The following OR6P1 variants were observed in gnomAD, a reference collection of about 807,000 sequenced individuals.
OR6P1 encodes olfactory receptor family 6 subfamily P member 1.
A neutral mutation model predicts 6.6 loss-of-function variants in OR6P1; 5 were observed. The observed-to-expected ratio is 0.76, with a 90% confidence interval of 0.40 to 1.60. OR6P1 has a LOEUF of 1.60. Among genes scored for constraint, OR6P1 ranks in the 40% most tolerant of loss-of-function variants. The pLI is 0.02. For synonymous variants in OR6P1, 177 were observed against 149.6 expected (o/e 1.18, Z -1.33); for missense variants, 451 against 383.0 (o/e 1.18, Z -1.48).
chr1:158,567,285 C>T (rs1648121746), intron 1 of OR6P1, among the ~76,000 whole-genome samples: 1 of 151,992 alleles, frequency 6.6e-6, no homozygotes, highest in South Asian at 2.1e-4. Flanking sequence ...CCAGCCATCC[C>T]ATTACTGGGT....
At chr1:158,564,110 A>T (rs545442921) in intron 2 of OR6P1, among the ~76,000 whole-genome samples, 2 of 152,262 alleles carry the variant, frequency 1.3e-5, no homozygotes, top group Non-Finnish European at 2.9e-5. Context: ...GCAACACGGC[A>T]GTATGAAGAT....
intron 1 of OR6P1, among the ~76,000 whole-genome samples, chr1:158,568,956 T>A (rs1031772370): frequency 2.0e-5 from 3 of 152,176 alleles, no homozygotes; most frequent in Non-Finnish European, 4.4e-5. Context: ...CCATAATACA[T>A]AACCAACGTA....
chr1:158,562,664 T>G lies in OR6P1; in HGVS notation c.941A>C (p.Asp314Ala). Reference sequence around the variant, plus strand: ...ACCTGTTGTATATCAGTCCTGAACATCCCTAGGATAGTGACATCTGCCCAT... The same window carrying G: ...ACCTGTTGTATATCAGTCCTGAACAGCCCTAGGATAGTGACATCTGCCCAT... ...TVMGRCHYPR[D>A]VQD Residue 314 changes from aspartate to alanine, a missense_variant, in exon 3 of 3, where the codon GAT becomes GCT. Physicochemically the swap from Asp to Ala is moderately radical, Grantham distance 126. Transcript: ENST00000641540. 1 of 1,550,056 alleles carries G rather than the reference T, an allele frequency of 6.5e-7. No homozygotes were observed. Among genetic ancestry groups the G allele is most frequent in the Non-Finnish European group, 8.7e-7 (1 of 1,144,696 alleles).
chr1:158,567,735 T>A (rs1447281526), intron 1 of OR6P1, among the ~76,000 whole-genome samples: 1 of 150,846 alleles, frequency 6.6e-6, no homozygotes, highest in Non-Finnish European at 1.5e-5. Context: ...ATGGCACATG[T>A]ATACATATGT....
chr1:158,566,210 G>C (rs111467234), intron 2 of OR6P1, among the ~76,000 whole-genome samples: 183 of 152,308 alleles, frequency 1.2e-3, no homozygotes, highest in Middle Eastern at 3.4e-3. Flanking sequence ...TAGAGGAGTT[G>C]AAGATGAGAG....
chr1:158,567,756 C>T (rs1426876906), intron 1 of OR6P1, among the ~76,000 whole-genome samples: 1 of 149,560 alleles, frequency 6.7e-6, no homozygotes, highest in Non-Finnish European at 1.5e-5. Context: ...AACTAACCTG[C>T]ACAATGTGCA....
At position 158,562,387 on chromosome 1, in the gene OR6P1, A is replaced by G. The variant is rs976508172; in HGVS notation, c.*264T>C. 42 of 444,178 alleles carry G rather than the reference A, an allele frequency of 9.5e-5. No individual in the cohort carries two copies. The highest frequency in any genetic ancestry group is 8.2e-4 in the African/African-American group (41 of 50,140). 27.5% of individuals were successfully genotyped at this position (444,178 alleles called of 1,614,324 possible). A position where few individuals can be genotyped will look rare whatever the true frequency, so the allele number is the denominator to read the frequency against. On this transcript the variant is annotated 3_prime_UTR_variant, in exon 3 of 3. Coordinates refer to ENST00000641540, the MANE Select transcript of OR6P1 (RefSeq NM_001160325.2). ...GGGTTACATTCCACACATACTCAGT[A>G]AGACTCTCCACATATTTTTTTGGGG...
rs1403046441 is a variant in OR6P1, at chr1:158,563,138, G to T, written c.467C>A (p.Ser156Tyr). Residue 156 changes from serine to tyrosine, a missense_variant, in exon 3 of 3, where the codon TCC (serine) becomes TAC (tyrosine). By Grantham distance (144) the Ser-to-Tyr change is moderately radical. Coordinates refer to ENST00000641540, the MANE Select transcript of OR6P1 (RefSeq NM_001160325.2). ...AASWGSGFFS[S>Y]MMKLLFISQL... Reference sequence around the variant, plus strand: ...GGAAATAAAAAGAAGCTTCATCATGGAGCTGAAGAAGCCACTGCCCCAAGA... The same window carrying T: ...GGAAATAAAAAGAAGCTTCATCATGTAGCTGAAGAAGCCACTGCCCCAAGA... The T allele has an allele frequency of 4.5e-6, 7 of 1,551,416 alleles. No individual in the cohort carries two copies. The highest frequency in any genetic ancestry group is 3.6e-5 in the South Asian group (3 of 84,044).
chr1:158,568,120 C>T (rs1648142793), intron 1 of OR6P1, among the ~76,000 whole-genome samples: 1 of 152,122 alleles, frequency 6.6e-6, no homozygotes, highest in East Asian at 1.9e-4. Flanking sequence ...AACTTCAGCC[C>T]CTATTGTCCA....
Position 158,561,188 on chromosome 1 carries a change from T to A in OR6P1, c.*1463A>T, listed in dbSNP as rs1236812009. On this transcript the variant is annotated 3_prime_UTR_variant, in exon 3 of 3. Coordinates refer to ENST00000641540, the MANE Select transcript of OR6P1 (RefSeq NM_001160325.2). ...TAACTTGTTATTAGTAAAGCCAGGA[T>A]CAAATTGAAATTTGCTCGTTCTAGG... is the stretch of plus-strand genomic sequence containing the variant. 6.6e-6 allele frequency: 1 copy of A among 152,148 alleles called. No individual in the cohort carries two copies. The highest frequency in any genetic ancestry group is 1.5e-5 in the Non-Finnish European group (1 of 68,018). 9.4% of individuals were successfully genotyped at this position (152,148 alleles called of 1,614,324 possible). A position where few individuals can be genotyped will look rare whatever the true frequency, so the allele number is the denominator to read the frequency against.
chr1:158,562,731 G>C lies in OR6P1; in HGVS notation c.874C>G (p.Leu292Val). Residue 292 changes from leucine (L) to valine (V), a missense_variant, in exon 3 of 3, where the codon CTG becomes GTG. Coordinates refer to ENST00000641540, the MANE Select transcript of OR6P1 (RefSeq NM_001160325.2). ...GCCTCCTTCACCTCCTTGTTCCTCA[G>C]GCAGTAGATGGCTGGGTTGAAGAAT... The part of the protein sequence containing the change: ...VPFFNPAIYC[L>V]RNKEVKEAFR... 6.4e-7 allele frequency: 1 copy of C among 1,560,988 alleles called. No individual in the cohort carries two copies. The highest frequency in any genetic ancestry group is 1.7e-4 in the Middle Eastern group (1 of 6,008).
chr1:158,562,986 T>A lies in OR6P1; in HGVS notation c.619A>T (p.Ile207Phe). The stretch of plus-strand genomic sequence containing the variant: ...ACCACAGCCAATAGAGGGAGTAGAA[T>A]CATCACCAGGGCCAGAAGGAAGTCT... ...LVDFLLALVM[I>F]LLPLLAVVSS... is the part of the protein sequence containing the mutation. Residue 207 changes from isoleucine (I) to phenylalanine (F), a missense_variant, in exon 3 of 3, where the codon ATT becomes TTT. Physicochemically the swap from Ile to Phe is conservative, Grantham distance 21. Coordinates refer to ENST00000641540, the MANE Select transcript of OR6P1 (RefSeq NM_001160325.2). 1 of 1,551,572 alleles carries A rather than the reference T, an allele frequency of 6.4e-7. No homozygotes were observed. The highest frequency in any genetic ancestry group is 2.4e-5 in the East Asian group (1 of 40,914).
rs145280941 is a variant in OR6P1, at chr1:158,563,699, T to A, written c.-22-73A>T. 724 of 748,562 alleles carry A rather than the reference T, an allele frequency of 9.7e-4. 4 individuals carry two copies. The African/African-American group carries it at 0.011, about 11-fold the overall frequency. 46.4% of individuals were successfully genotyped at this position (748,562 alleles called of 1,614,324 possible). On this transcript the variant is annotated intron_variant, in intron 2 of 2. Coordinates refer to ENST00000641540, the MANE Select transcript of OR6P1 (RefSeq NM_001160325.2). Reference sequence around the variant, plus strand: ...CAAACCACCAACATACTCTCACAGGTTATAACCACTGAAGAGCTTAGTGGC... The same window carrying A: ...CAAACCACCAACATACTCTCACAGGATATAACCACTGAAGAGCTTAGTGGC...
In OR6P1 at chr1:158,562,824, G is replaced by C; in HGVS notation, c.781C>G (p.Arg261Gly). Residue 261 changes from arginine to glycine, a missense_variant, in exon 3 of 3, where the codon CGG (arginine) becomes GGG (glycine). Coordinates refer to ENST00000641540, the MANE Select transcript of OR6P1 (RefSeq NM_001160325.2). Reference sequence around the variant, plus strand: ...TTGAAGGTGTACATGGCCCGGGGCCGTGCATAGGTGAAGAGAGTGGAGGAG... The same window carrying C: ...TTGAAGGTGTACATGGCCCGGGGCCCTGCATAGGTGAAGAGAGTGGAGGAG... ...YYSSTLFTYARPRAMYTFNHN... is the reference protein window; with the variant it reads ...YYSSTLFTYAGPRAMYTFNHN... 1.3e-6 allele frequency: 2 copies of C among 1,552,004 alleles called. No individual in the cohort carries two copies. The highest frequency in any genetic ancestry group is 1.7e-6 in the Non-Finnish European group (2 of 1,147,070).
Position 158,562,470 on chromosome 1 carries a change from T to C in OR6P1, c.*181A>G. On this transcript the variant is annotated 3_prime_UTR_variant, in exon 3 of 3. Transcript: ENST00000641540. Reference sequence around the variant, plus strand: ...CTTCTGTAGCTAGTCCAACCTTAGTTTGAAAACCCCTGTAAAAAATAAATG... The same window carrying C: ...CTTCTGTAGCTAGTCCAACCTTAGTCTGAAAACCCCTGTAAAAAATAAATG... 2 of 575,140 alleles carry C rather than the reference T, an allele frequency of 3.5e-6. No homozygotes were observed. Among genetic ancestry groups the C allele is most frequent in the Non-Finnish European group, 3.1e-6 (1 of 326,230 alleles). The allele number at this position is 575,140 out of a possible 1,614,324, so 35.6% of individuals were successfully genotyped here. A position where few individuals can be genotyped will look rare whatever the true frequency, so the allele number is the denominator to read the frequency against.
At chr1:158,564,042 G>A (rs1648036925) in intron 2 of OR6P1, among the ~76,000 whole-genome samples, 1 of 152,116 alleles carries the variant, frequency 6.6e-6, no homozygotes, top group Non-Finnish European at 1.5e-5. Context: ...ATTTCTCAAG[G>A]GAAATTGTAC....
At position 158,562,868 on chromosome 1, in the gene OR6P1, G is replaced by T. The variant is rs754683747; in HGVS notation, c.737C>A (p.Ala246Glu). The T allele has an allele frequency of 7.7e-6, 12 of 1,551,944 alleles. No homozygotes were observed. The South Asian group carries it at 1.1e-4, about 14-fold the overall frequency. ...GGAGGAGTAGTAGATAACAACCACT[G>T]CCAGATGAGCGGCACAAGTGGAAAA... is the stretch of plus-strand genomic sequence containing the variant. ...KAFSTCAAHL[A>E]VVVIYYSSTL... Residue 246 changes from alanine (A) to glutamate (E), a missense_variant, in exon 3 of 3, where the codon GCA (alanine) becomes GAA (glutamate). Ala to Glu is a moderately radical substitution (Grantham distance 107). Coordinates refer to ENST00000641540, the MANE Select transcript of OR6P1 (RefSeq NM_001160325.2).
rs12045893 is a variant in OR6P1 at position 158,560,626 on chromosome 1, C to T, written c.*2025G>A. ...AGGGCAGTTTTAGGAGTTTCTCTTA[C>T]AGAAAGGAAGTCCTGAAAGCAGTTG... On this transcript the variant is annotated 3_prime_UTR_variant, in exon 3 of 3. Coordinates refer to ENST00000641540, the MANE Select transcript of OR6P1 (RefSeq NM_001160325.2). 0.29 allele frequency: 44,072 copies of T among 151,704 alleles called. 6,602 individuals are homozygous for T. Among genetic ancestry groups the T allele is most frequent in the East Asian group, 0.39 (2,010 of 5,134 alleles). The allele number at this position is 151,704 out of a possible 1,614,324, so 9.4% of individuals were successfully genotyped here. A position where few individuals can be genotyped will look rare whatever the true frequency, so the allele number is the denominator to read the frequency against.
chr1:158,567,307 G>A (rs1648122915), intron 1 of OR6P1, among the ~76,000 whole-genome samples: 2 of 151,912 alleles, frequency 1.3e-5, no homozygotes, highest in South Asian at 2.1e-4. Context: ...TATACCCAAA[G>A]GACTATAAAT....
Sources: gnomAD v4.1 joint callset for allele counts (sites outside exome capture counted in the v4.1 genomes callset) on GRCh38, gnomAD v4.1.1 for gene constraint, MANE v1.5 for transcripts, NCBI Gene and HGNC (gene_info 2026-07-23, HGNC 2026-07-21) for gene names.